The following CA10 variants were observed in gnomAD, a reference collection of about 807,000 sequenced individuals.
CA10 encodes carbonic anhydrase-related protein 10.
Under a neutral mutation model 44.2 loss-of-function variants are expected in CA10, and 14 were observed. That is an observed-to-expected ratio of 0.32 (90% CI 0.21 to 0.50). The LOEUF (loss-of-function observed/expected upper bound fraction) is 0.50, where lower values mean the gene tolerates loss of function less well. Among genes scored for constraint, CA10 ranks in the 20% least tolerant of loss-of-function variants. The pLI is 0.99. For missense variants in CA10, 350 were observed against 409.7 expected, an observed-to-expected ratio of 0.85 and a Z score of 1.26; for synonymous variants, 159 against 141.6, an observed-to-expected ratio of 1.12 and a Z score of -0.87.
At chr17:52,046,359 T>G (rs1055266595) in intron 2 of CA10, among the ~76,000 whole-genome samples, 10 of 151,088 alleles carry the variant, frequency 6.6e-5, no homozygotes, top group Non-Finnish European at 1.5e-4. Flanking sequence ...GTATAAATTA[T>G]CAACAGTACA....
At chr17:52,009,523 C>T (rs922417331) in intron 2 of CA10, among the ~76,000 whole-genome samples, 2 of 151,926 alleles carry the variant, frequency 1.3e-5, no homozygotes, top group African/African-American at 4.8e-5. Context: ...TGCCTTACTT[C>T]CTTTTAACAA....
intron 2 of CA10, among the ~76,000 whole-genome samples, chr17:51,951,130 T>C (rs190538551): frequency 5.9e-5 from 9 of 152,290 alleles, no homozygotes; most frequent in Admixed American, 2.6e-4. Flanking sequence ...TCAAAGCACA[T>C]GAAATGTAAT....
Position 51,653,741 on chromosome 17 carries a change from C to T in CA10, c.466-5G>A. ...GTTATAGTGGATGAGCTGCACCTGG[C>T]AGGAGGGAAAAACAAGAATCAGAAC... is the stretch of plus-strand genomic sequence containing the variant. On this transcript the variant is annotated splice_polypyrimidine_tract_variant and splice_region_variant and intron_variant, in intron 4 of 8. Transcript: ENST00000451037. 1.3e-6 allele frequency: 2 copies of T among 1,568,994 alleles called. No homozygotes were observed. The highest frequency in any genetic ancestry group is 1.1e-5 in the South Asian group (1 of 90,150).
chr17:51,904,814 A>G (rs941051410), intron 3 of CA10, among the ~76,000 whole-genome samples: 1 of 152,088 alleles, frequency 6.6e-6, no homozygotes, highest in Non-Finnish European at 1.5e-5. Flanking sequence ...GAGGCAATGC[A>G]TGTAATACAA....
intron 2 of CA10, among the ~76,000 whole-genome samples, chr17:52,003,289 C>G (rs954427922): frequency 6.6e-6 from 1 of 151,946 alleles, no homozygotes; most frequent in African/African-American, 2.4e-5. Context: ...CTGTGACAAC[C>G]ATCATGGCTC....
chr17:51,891,619 G>C (rs1210791555), intron 3 of CA10, among the ~76,000 whole-genome samples: 1 of 152,234 alleles, frequency 6.6e-6, no homozygotes, highest in East Asian at 1.9e-4. Context: ...GCAATTGATG[G>C]AAAAATAGAC....
At chr17:51,826,565 TCCTTCAGAGC>T (rs1306314395) in intron 3 of CA10, among the ~76,000 whole-genome samples, 1 of 152,140 alleles carries the variant, frequency 6.6e-6, no homozygotes, top group Non-Finnish European at 1.5e-5. Context: ...TTTCCATGCA[TCCTTCAGAGC>T]CCTGCTTGTG....
chr17:52,093,601 T>C (rs1430192124), intron 1 of CA10, among the ~76,000 whole-genome samples: 4 of 152,206 alleles, frequency 2.6e-5, no homozygotes, highest in South Asian at 2.1e-4. Flanking sequence ...CTTGTTGTCA[T>C]TGTCTCTTCA....
chr17:52,146,325 C>T (rs1392457766), intron 1 of CA10, among the ~76,000 whole-genome samples: 2 of 152,078 alleles, frequency 1.3e-5, no homozygotes, highest in African/African-American at 4.8e-5. Context: ...TTTGGGAGGC[C>T]AAGGCAGGAG....
At chr17:51,989,262 A>C (rs1984955876) in intron 2 of CA10, among the ~76,000 whole-genome samples, 1 of 151,518 alleles carries the variant, frequency 6.6e-6, no homozygotes, top group Admixed American at 6.6e-5. Flanking sequence ...TTCATCACCC[A>C]GGTATTAAGC....
chr17:52,038,206 A>T (rs1013717468), intron 2 of CA10, among the ~76,000 whole-genome samples: 1 of 152,212 alleles, frequency 6.6e-6, no homozygotes, highest in Non-Finnish European at 1.5e-5. Context: ...TGAGTGGGAT[A>T]CAGAGAACTG....
At chr17:51,796,428 T>C (rs556845690) in intron 3 of CA10, among the ~76,000 whole-genome samples, 93 of 152,306 alleles carry the variant, frequency 6.1e-4, no homozygotes, top group Non-Finnish European at 1.1e-3. Flanking sequence ...CTGTCTGCAC[T>C]GTCCTGAGGC....
intron 4 of CA10, among the ~76,000 whole-genome samples, chr17:51,679,979 C>T (rs2143386498): frequency 1.3e-5 from 2 of 152,290 alleles, no homozygotes; most frequent in South Asian, 4.1e-4. Flanking sequence ...GGAACAGTCA[C>T]CCCTATTTGT....
Position 52,158,101 on chromosome 17 carries a change from A to AGCG in CA10, c.-318_-316dup, listed in dbSNP as rs558948284. ...CACCAGCGGCGGAAACCGCACTAGC[A>AGCG]GCGGCGGCGGCGGCGGCGGCGGCAG... On this transcript the variant is annotated 5_prime_UTR_variant, in exon 1 of 9. Transcript: ENST00000451037. 3.3e-4 allele frequency: 163 copies of AGCG among 491,340 alleles called. No individual in the cohort carries two copies. The East Asian group carries it at 4.6e-3, about 14-fold the overall frequency. 30.4% of individuals were successfully genotyped at this position (491,340 alleles called of 1,614,324 possible). A position where few individuals can be genotyped will look rare whatever the true frequency, so the allele number is the denominator to read the frequency against.
chr17:51,965,574 A>G (rs1457706300), intron 2 of CA10, among the ~76,000 whole-genome samples: 2 of 151,988 alleles, frequency 1.3e-5, no homozygotes, highest in Non-Finnish European at 2.9e-5. Flanking sequence ...CAATACATGT[A>G]ATTCACCACA....
At chr17:51,703,855 G>A (rs994716998) in intron 4 of CA10, among the ~76,000 whole-genome samples, 6 of 152,184 alleles carry the variant, frequency 3.9e-5, no homozygotes, top group African/African-American at 1.2e-4. Context: ...TGACCTAACC[G>A]GTCCCGGGCT....
chr17:51,708,882 G>A (rs1354246062), intron 4 of CA10, among the ~76,000 whole-genome samples: 1 of 152,204 alleles, frequency 6.6e-6, no homozygotes, highest in Non-Finnish European at 1.5e-5. Flanking sequence ...AGGGGCCCTT[G>A]GGCCTTCAGC....
intron 1 of CA10, among the ~76,000 whole-genome samples, chr17:52,121,377 G>T (rs1989011013): frequency 6.6e-6 from 1 of 151,928 alleles, no homozygotes; most frequent in South Asian, 2.1e-4. Context: ...ATAGGGAGAA[G>T]ACCTAGGTTG....
chr17:52,055,102 C>G (rs1159924971), intron 2 of CA10, among the ~76,000 whole-genome samples: 1 of 151,856 alleles, frequency 6.6e-6, no homozygotes, highest in Non-Finnish European at 1.5e-5. Context: ...AAGATGATAT[C>G]CTAAAAAAGC....
Sources: allele counts gnomAD v4.1 joint callset (sites outside exome capture counted in the v4.1 genomes callset), GRCh38; gene constraint gnomAD v4.1.1; transcripts MANE v1.5; gene names NCBI Gene and HGNC (gene_info 2026-07-23, HGNC 2026-07-21).